The following SLC35F4 variants were observed in gnomAD, a reference collection of about 807,000 sequenced individuals.
The protein encoded by SLC35F4 is chromosome 14 open reading frame 36.
A neutral mutation model predicts 44.2 loss-of-function variants in SLC35F4; 24 were observed. The ratio of observed to expected loss-of-function variants is 0.54; its 90% confidence interval spans 0.39 to 0.76. The LOEUF is 0.76. Among genes scored for constraint, SLC35F4 ranks in the 30% least tolerant of loss-of-function variants. The pLI, the probability that SLC35F4 is intolerant of heterozygous loss-of-function variation, is 0.00. For synonymous variants in SLC35F4, 238 were observed against 223.6 expected (o/e 1.06, Z -0.57); for missense variants, 562 against 586.1 (o/e 0.96, Z 0.42).
chr14:57,923,919 T>C (rs962549085), intron 1 of SLC35F4, among the ~76,000 whole-genome samples: 1 of 152,192 alleles, frequency 6.6e-6, no homozygotes, highest in Admixed American at 6.5e-5. Context: ...CTCCCACAAT[T>C]CCCACGTGTA....
intron 1 of SLC35F4, among the ~76,000 whole-genome samples, chr14:57,692,932 CA>C: frequency 6.6e-6 from 1 of 152,234 alleles, no homozygotes; most frequent in Admixed American, 6.5e-5. Context: ...TCAGTGCTTC[CA>C]GAAGTATCCA....
In SLC35F4 at chr14:57,806,779, T is replaced by C. The variant is rs947247531; in HGVS notation, c.103+58944A>G. Among the ~76,000 whole-genome samples, 7 of 152,308 alleles carry C rather than the reference T, an allele frequency of 4.6e-5. No homozygotes were observed. In the South Asian group the frequency reaches 1.4e-3, roughly 32 times the overall value. ...TTACCACTGGGTTGTGTGGAGAAAA[T>C]GGTTTTTTAAAATCAAAATTCCTAC... On this transcript the variant is annotated intron_variant, in intron 1 of 7. Transcript: ENST00000556826.
At chr14:57,740,324 CTATTT>C (rs1427210230) in intron 1 of SLC35F4, among the ~76,000 whole-genome samples, 3 of 152,108 alleles carry the variant, frequency 2.0e-5, no homozygotes, top group Admixed American at 1.3e-4. Context: ...ATAATTTGGG[CTATTT>C]TATTTCAGAC....
At chr14:57,723,486 A>G (rs1316019098) in intron 1 of SLC35F4, among the ~76,000 whole-genome samples, 1 of 152,238 alleles carries the variant, frequency 6.6e-6, no homozygotes, top group African/African-American at 2.4e-5. Context: ...CAGAAGACAG[A>G]TGGATCTTGG....
intron 1 of SLC35F4, among the ~76,000 whole-genome samples, chr14:57,613,380 G>T (rs2140058427): frequency 6.6e-6 from 1 of 152,230 alleles, no homozygotes; most frequent in South Asian, 2.1e-4. Context: ...ATGGCAAAAG[G>T]AGAGCCTGTC....
intron 1 of SLC35F4, among the ~76,000 whole-genome samples, chr14:57,693,710 C>T (rs890510059): frequency 2.0e-5 from 3 of 152,134 alleles, no homozygotes; most frequent in African/African-American, 4.8e-5. Context: ...TTTCCCACTC[C>T]ACACCTCTAT....
chr14:57,600,520 G>A (rs970413680), intron 1 of SLC35F4, among the ~76,000 whole-genome samples: 28 of 148,916 alleles, frequency 1.9e-4, no homozygotes, highest in African/African-American at 5.9e-4. Flanking sequence ...GTGAAACCCC[G>A]TCTCTACTAA....
chr14:57,953,291 A>G (rs1004655991), intron 1 of SLC35F4, among the ~76,000 whole-genome samples: 1 of 152,228 alleles, frequency 6.6e-6, no homozygotes, highest in Non-Finnish European at 1.5e-5. Context: ...AGCACTAAAT[A>G]TGGAAAGGAA....
At chr14:57,624,616 C>T (rs533920280) in intron 1 of SLC35F4, among the ~76,000 whole-genome samples, 4 of 152,216 alleles carry the variant, frequency 2.6e-5, no homozygotes, top group Non-Finnish European at 4.4e-5. Flanking sequence ...ATGTTCAAGT[C>T]GGCTTCATCC....
intron 1 of SLC35F4, among the ~76,000 whole-genome samples, chr14:57,854,940 G>A (rs975423049): frequency 1.4e-4 from 22 of 152,240 alleles, no homozygotes; most frequent in African/African-American, 5.3e-4. Flanking sequence ...AATTGCTGTA[G>A]CATAATTTTT....
intron 1 of SLC35F4, among the ~76,000 whole-genome samples, chr14:57,863,607 T>A (rs1311833282): frequency 6.6e-6 from 1 of 152,218 alleles, no homozygotes; most frequent in Non-Finnish European, 1.5e-5. Context: ...TTGACCATAT[T>A]GTACTGGTTT....
intron 1 of SLC35F4, among the ~76,000 whole-genome samples, chr14:57,765,385 C>A (rs574113422): frequency 6.6e-6 from 1 of 152,170 alleles, no homozygotes. Flanking sequence ...TACAGGTTCC[C>A]GTCAGTCAGA....
intron 3 of SLC35F4, among the ~76,000 whole-genome samples, chr14:57,582,616 G>C (rs1005373436): frequency 2.0e-5 from 3 of 152,174 alleles, no homozygotes; most frequent in African/African-American, 7.2e-5. Flanking sequence ...TTACCACTGG[G>C]AGAATTTTAA....
At chr14:57,956,574 G>A (rs1167650823) in intron 1 of SLC35F4, among the ~76,000 whole-genome samples, 1 of 151,778 alleles carries the variant, frequency 6.6e-6, no homozygotes, top group African/African-American at 2.4e-5. Context: ...AATCTACAAG[G>A]AACTTAAACA....
intron 1 of SLC35F4, among the ~76,000 whole-genome samples, chr14:57,810,950 C>T (rs756133370): frequency 3.3e-5 from 5 of 152,180 alleles, no homozygotes; most frequent in Non-Finnish European, 7.3e-5. Flanking sequence ...GACAAACTGA[C>T]TTATTAAGGG....
chr14:57,908,245 A>G (rs1442513016), intron 1 of SLC35F4, among the ~76,000 whole-genome samples: 1 of 152,228 alleles, frequency 6.6e-6, no homozygotes, highest in Non-Finnish European at 1.5e-5. Context: ...TAGTGCTGCA[A>G]TAAACATATG....
At chr14:57,816,507 C>G (rs1882614617) in intron 1 of SLC35F4, among the ~76,000 whole-genome samples, 1 of 152,178 alleles carries the variant, frequency 6.6e-6, no homozygotes, top group Admixed American at 6.5e-5. Context: ...TATCTCAGAA[C>G]CAGAAAACAT....
chr14:57,922,027 A>G (rs1889454277), intron 1 of SLC35F4, among the ~76,000 whole-genome samples: 1 of 152,102 alleles, frequency 6.6e-6, no homozygotes, highest in African/African-American at 2.4e-5. Flanking sequence ...TGGCCAATGG[A>G]GGAGGGCTGT....
intron 1 of SLC35F4, among the ~76,000 whole-genome samples, chr14:57,759,898 C>A (rs2140617763): frequency 7.6e-6 from 1 of 131,608 alleles, no homozygotes; most frequent in East Asian, 2.1e-4. Flanking sequence ...TTTTTGTTTG[C>A]TTTTTGCTAT....
Sources: allele counts gnomAD v4.1 joint callset (sites outside exome capture counted in the v4.1 genomes callset), GRCh38; gene constraint gnomAD v4.1.1; transcripts MANE v1.5; gene names NCBI Gene and HGNC (gene_info 2026-07-23, HGNC 2026-07-21).